Variants in LHFPL3 observed in about 807,000 individuals in gnomAD.
LHFPL3 encodes the protein LHFPL tetraspan subfamily member 3 protein.
LHFPL3 carries 5 observed loss-of-function variants against 19.3 expected under a neutral mutation model. The observed-to-expected ratio is 0.26, with a 90% CI of 0.14 to 0.54. LHFPL3 has a LOEUF of 0.54. Among genes scored for constraint, LHFPL3 ranks in the 20% least tolerant of loss-of-function variants. The pLI, the probability that LHFPL3 is intolerant of heterozygous loss-of-function variation, is 0.94. For synonymous variants in LHFPL3, 133 were observed against 126.2 expected, an observed-to-expected ratio of 1.05 and a Z score of -0.36; for missense variants, 249 against 307.4, an observed-to-expected ratio of 0.81 and a Z score of 1.42.
At chr7:104,782,912 C>T (rs960737522) in intron 2 of LHFPL3, among the ~76,000 whole-genome samples, 1 of 152,258 alleles carries the variant, frequency 6.6e-6, no homozygotes, top group African/African-American at 2.4e-5. Context: ...ACCCCCATTT[C>T]CCACTTCCTG....
intron 2 of LHFPL3, among the ~76,000 whole-genome samples, chr7:104,766,126 G>T (rs188043023): frequency 6.6e-6 from 1 of 152,312 alleles, no homozygotes; most frequent in Admixed American, 6.5e-5. Context: ...TGATCCTAAT[G>T]CTAAAGTAGT....
At chr7:104,410,747 A>G (rs1791521046) in intron 1 of LHFPL3, among the ~76,000 whole-genome samples, 1 of 152,248 alleles carries the variant, frequency 6.6e-6, no homozygotes, top group Admixed American at 6.5e-5. Context: ...GTATTGATTA[A>G]TATGGATCAT....
At chr7:104,432,956 T>C (rs1202395300) in intron 1 of LHFPL3, among the ~76,000 whole-genome samples, 1 of 152,174 alleles carries the variant, frequency 6.6e-6, no homozygotes, top group Non-Finnish European at 1.5e-5. Flanking sequence ...TACCTCACTG[T>C]TTCATTCAGT....
intron 2 of LHFPL3, among the ~76,000 whole-genome samples, chr7:104,905,490 G>C (rs188968569): frequency 6.6e-6 from 1 of 152,188 alleles, no homozygotes; most frequent in East Asian, 1.9e-4. Context: ...GGGAGGCTGG[G>C]GAAGGTGGCT....
rs956627115 is a variant in LHFPL3, at chr7:104,586,566, C to T, written c.446-150109C>T. Among the ~76,000 whole-genome samples, 7 of 152,218 alleles carry T rather than the reference C, an allele frequency of 4.6e-5. 1 individual carries two copies. The highest frequency in any genetic ancestry group is 1.7e-4 in the African/African-American group (7 of 41,544). On this transcript the variant is annotated intron_variant, in intron 1 of 2. Transcript: ENST00000424859. Reference sequence around the variant, plus strand: ...TTTTTCTATTACCTCTCACCTTACACAGGTCCCCTTTCTTAAAAGTTGGCA... The same window carrying T: ...TTTTTCTATTACCTCTCACCTTACATAGGTCCCCTTTCTTAAAAGTTGGCA...
At chr7:104,801,701 G>A (rs796780875) in intron 2 of LHFPL3, among the ~76,000 whole-genome samples, 40 of 152,198 alleles carry the variant, frequency 2.6e-4, no homozygotes, top group African/African-American at 8.9e-4. Context: ...CTCCCAAGTA[G>A]TTGGGACTAC....
chr7:104,439,128 G>C (rs1281793663), intron 1 of LHFPL3, among the ~76,000 whole-genome samples: 2 of 152,130 alleles, frequency 1.3e-5, no homozygotes, highest in Non-Finnish European at 2.9e-5. Context: ...TTGAGTTCTA[G>C]GCAGTTTCAC....
At chr7:104,889,889 A>G (rs939947977) in intron 2 of LHFPL3, among the ~76,000 whole-genome samples, 1 of 152,240 alleles carries the variant, frequency 6.6e-6, no homozygotes, top group African/African-American at 2.4e-5. Flanking sequence ...TCTGCCTGCT[A>G]TATTATACCA....
At chr7:104,668,054 C>G in intron 1 of LHFPL3, 1 of 1,613,770 alleles carries the variant, frequency 6.2e-7, no homozygotes, top group Non-Finnish European at 8.5e-7. Flanking sequence ...TTCTAGGAAA[C>G]CTACCCTATG....
intron 1 of LHFPL3, among the ~76,000 whole-genome samples, chr7:104,546,070 A>G (rs911438532): frequency 2.0e-5 from 3 of 152,204 alleles, no homozygotes; most frequent in Non-Finnish European, 4.4e-5. Flanking sequence ...CTGGCCTGGT[A>G]TCAGCAAACT....
chr7:104,832,036 C>T (rs1437943872), intron 2 of LHFPL3, among the ~76,000 whole-genome samples: 1 of 151,940 alleles, frequency 6.6e-6, no homozygotes, highest in Non-Finnish European at 1.5e-5. Flanking sequence ...AATTTGCAAC[C>T]TCCTTTCTTC....
Position 104,392,171 on chromosome 7 carries a change from C to G in LHFPL3, c.445+62947C>G, listed in dbSNP as rs1791086174. Among the ~76,000 whole-genome samples the G allele has an allele frequency of 2.6e-5, 4 of 152,092 alleles. No homozygotes were observed. In the South Asian group the frequency reaches 8.3e-4, roughly 32 times the overall value. ...CTTCCTCTTTTCCTGATTGAATACC[C>G]TTTATTTCTTTCTCCTGCCTGATTG... On this transcript the variant is annotated intron_variant, in intron 1 of 2. Coordinates refer to ENST00000424859, the MANE Select transcript of LHFPL3 (RefSeq NM_199000.3).
chr7:104,872,107 G>A lies in LHFPL3; in HGVS notation c.683-34080G>A, dbSNP rs567789495. ...TAATCCCAGCACTTTGGGAGGCCAA[G>A]CCGGGTGGATCATGAGGTCAGGAGT... On this transcript the variant is annotated intron_variant, in intron 2 of 2. Coordinates refer to ENST00000424859, the MANE Select transcript of LHFPL3 (RefSeq NM_199000.3). 2.6e-5 allele frequency among the ~76,000 whole-genome samples: 4 copies of A among 151,940 alleles called. No individual in the cohort carries two copies. In the East Asian group the frequency reaches 7.8e-4, roughly 30 times the overall value.
At chr7:104,820,757 C>A (rs193168224) in intron 2 of LHFPL3, among the ~76,000 whole-genome samples, 92 of 152,244 alleles carry the variant, frequency 6.0e-4, no homozygotes, top group African/African-American at 2.2e-3. Context: ...CCCCCCAGAC[C>A]AAAGAAGCAG....
chr7:104,383,242 C>T lies in LHFPL3; in HGVS notation c.445+54018C>T, dbSNP rs142026849. Among the ~76,000 whole-genome samples the T allele has an allele frequency of 3.3e-5, 5 of 152,160 alleles. No individual in the cohort carries two copies. The South Asian group carries it at 1.0e-3, about 31-fold the overall frequency. On this transcript the variant is annotated intron_variant, in intron 1 of 2. Coordinates refer to ENST00000424859, the MANE Select transcript of LHFPL3 (RefSeq NM_199000.3). ...GTATTTGTTCTTAAGGAGACATCTT[C>T]TTAGCACAGTGACTCTGATGTGGAG...
At chr7:104,606,873 C>A (rs2115727760) in intron 1 of LHFPL3, among the ~76,000 whole-genome samples, 1 of 152,204 alleles carries the variant, frequency 6.6e-6, no homozygotes, top group Non-Finnish European at 1.5e-5. Context: ...GGCACTGAGT[C>A]CGTCTCTGGG....
At chr7:104,351,827 C>G (rs1423498847) in intron 1 of LHFPL3, among the ~76,000 whole-genome samples, 1 of 152,172 alleles carries the variant, frequency 6.6e-6, no homozygotes, top group Non-Finnish European at 1.5e-5. Flanking sequence ...ACCCTCCTGT[C>G]CTGACCATCA....
At chr7:104,556,302 C>A (rs913316302) in intron 1 of LHFPL3, among the ~76,000 whole-genome samples, 1 of 152,232 alleles carries the variant, frequency 6.6e-6, no homozygotes, top group Non-Finnish European at 1.5e-5. Context: ...AGGGTCCCCC[C>A]CCTGCAGCAA....
intron 2 of LHFPL3, among the ~76,000 whole-genome samples, chr7:104,741,109 C>T (rs1018711732): frequency 1.3e-5 from 2 of 152,106 alleles, no homozygotes; most frequent in African/African-American, 4.8e-5. Flanking sequence ...GAGGGGTGTA[C>T]ACAGCTAAAA....
Sources: allele counts gnomAD v4.1 joint callset (sites outside exome capture counted in the v4.1 genomes callset), GRCh38; gene constraint gnomAD v4.1.1; transcripts MANE v1.5; gene names NCBI Gene and HGNC (gene_info 2026-07-23, HGNC 2026-07-21).